CNTNAP2: variants seen among roughly 807,000 people sequenced by gnomAD.
The protein encoded by CNTNAP2 is contactin associated protein 2, also known as contactin-associated protein-like 2.
In CNTNAP2, 98 loss-of-function variants were observed where a neutral mutation model predicts 155.2. The observed-to-expected ratio is 0.63, with a 90% CI of 0.54 to 0.75. CNTNAP2 has a LOEUF of 0.75. CNTNAP2 is among the 30% of genes least tolerant of loss of function. CNTNAP2 has a pLI of 0.00. For synonymous variants in CNTNAP2, 651 were observed against 631.2 expected (o/e 1.03, Z -0.47); for missense variants, 1,727 against 1,688.1 (o/e 1.02, Z -0.40).
At chr7:146,962,622 C>T (rs1797577338) in intron 3 of CNTNAP2, among the ~76,000 whole-genome samples, 1 of 152,218 alleles carries the variant, frequency 6.6e-6, no homozygotes, top group Admixed American at 6.5e-5. Flanking sequence ...ACGATCTTGA[C>T]TCACTGCAAC....
chr7:147,168,363 C>A (rs936263944), intron 8 of CNTNAP2, among the ~76,000 whole-genome samples: 6 of 151,758 alleles, frequency 4.0e-5, no homozygotes, highest in Non-Finnish European at 7.4e-5. Flanking sequence ...CTTGGTATGT[C>A]AGAGATTTTC....
At chr7:147,083,220 G>A (rs929853493) in intron 4 of CNTNAP2, 6 of 152,052 alleles carry the variant, frequency 3.9e-5, no homozygotes, top group African/African-American at 7.2e-5. Flanking sequence ...ATCAAGGCTT[G>A]TCTGAGGTCA....
chr7:146,550,128 G>A (rs929239918), intron 1 of CNTNAP2, among the ~76,000 whole-genome samples: 4 of 152,082 alleles, frequency 2.6e-5, no homozygotes, highest in African/African-American at 4.8e-5. Flanking sequence ...TTAGGGGAAC[G>A]GGACTAGTAG....
intron 1 of CNTNAP2, among the ~76,000 whole-genome samples, chr7:146,333,705 T>C (rs1277696684): frequency 6.6e-6 from 1 of 152,226 alleles, no homozygotes; most frequent in African/African-American, 2.4e-5. Flanking sequence ...TCAAACATGA[T>C]AGAAAATTAT....
At chr7:146,150,817 T>C (rs1311106388) in intron 1 of CNTNAP2, among the ~76,000 whole-genome samples, 2 of 152,114 alleles carry the variant, frequency 1.3e-5, no homozygotes, top group Non-Finnish European at 2.9e-5. Context: ...ATATCACCAC[T>C]AATCTTTATT....
intron 1 of CNTNAP2, among the ~76,000 whole-genome samples, chr7:146,756,720 A>G (rs1317992631): frequency 6.6e-6 from 1 of 152,060 alleles, no homozygotes; most frequent in Non-Finnish European, 1.5e-5. Context: ...ATGCAAAGGT[A>G]GGTCCTCTAA....
At chr7:146,969,630 C>T (rs1248786196) in intron 3 of CNTNAP2, among the ~76,000 whole-genome samples, 1 of 135,648 alleles carries the variant, frequency 7.4e-6, no homozygotes, top group Non-Finnish European at 1.7e-5. Flanking sequence ...ACTAGGATTG[C>T]AACCCCTGCC....
At chr7:146,684,406 G>A (rs1329905365) in intron 1 of CNTNAP2, among the ~76,000 whole-genome samples, 3 of 151,954 alleles carry the variant, frequency 2.0e-5, no homozygotes, top group Non-Finnish European at 4.4e-5. Flanking sequence ...TTATACACAA[G>A]CAAATGGAGG....
intron 13 of CNTNAP2, among the ~76,000 whole-genome samples, chr7:147,863,809 C>T (rs9770748): frequency 0.59 from 88,930 of 150,046 alleles, 26,631 homozygotes; most frequent in South Asian, 0.69. Flanking sequence ...TTCAGTTCTT[C>T]GTAGATTCTG....
intron 8 of CNTNAP2, among the ~76,000 whole-genome samples, chr7:147,137,873 G>GA (rs1801515602): frequency 1.0e-3 from 146 of 140,140 alleles, no homozygotes; most frequent in African/African-American, 3.5e-3. Context: ...AGATAGATAC[G>GA]TAGATAGATA....
intron 3 of CNTNAP2, among the ~76,000 whole-genome samples, chr7:146,995,395 A>T (rs187669715): frequency 6.6e-6 from 1 of 152,176 alleles, no homozygotes; most frequent in African/African-American, 2.4e-5. Context: ...TATTTAATTT[A>T]TTCTGGAACA....
At chr7:146,394,213 A>C (rs1225971872) in intron 1 of CNTNAP2, among the ~76,000 whole-genome samples, 1 of 152,158 alleles carries the variant, frequency 6.6e-6, no homozygotes, top group Non-Finnish European at 1.5e-5. Context: ...TACCTGACTA[A>C]TCCAAAAAAG....
At chr7:147,209,718 G>T (rs940926399) in intron 8 of CNTNAP2, among the ~76,000 whole-genome samples, 1 of 151,892 alleles carries the variant, frequency 6.6e-6, no homozygotes, top group Non-Finnish European at 1.5e-5. Context: ...GTTGGCTGTG[G>T]GTTGTCATAG....
At chr7:147,965,864 T>G (rs1467229476) in intron 14 of CNTNAP2, among the ~76,000 whole-genome samples, 1 of 152,112 alleles carries the variant, frequency 6.6e-6, no homozygotes, top group Non-Finnish European at 1.5e-5. Flanking sequence ...TACTTTTCAT[T>G]GTTGTAGCTG....
intron 13 of CNTNAP2, among the ~76,000 whole-genome samples, chr7:147,716,682 A>G (rs901476068): frequency 1.3e-5 from 2 of 151,912 alleles, no homozygotes; most frequent in Non-Finnish European, 2.9e-5. Flanking sequence ...TTCCTTATCT[A>G]TGTTTGCAGC....
chr7:148,198,250 A>C (rs1421298136), intron 18 of CNTNAP2, among the ~76,000 whole-genome samples: 1 of 152,124 alleles, frequency 6.6e-6, no homozygotes, highest in Non-Finnish European at 1.5e-5. Flanking sequence ...CAGGTTAGGG[A>C]TGGGCAATTC....
chr7:146,853,522 G>C (rs901125185), intron 3 of CNTNAP2, among the ~76,000 whole-genome samples: 1 of 152,030 alleles, frequency 6.6e-6, no homozygotes, highest in Admixed American at 6.6e-5. Flanking sequence ...AGAGATGTTT[G>C]GCATTTTTAC....
chr7:147,560,065 G>A (rs1800030270), intron 11 of CNTNAP2, among the ~76,000 whole-genome samples: 1 of 151,426 alleles, frequency 6.6e-6, no homozygotes, highest in South Asian at 2.1e-4. Flanking sequence ...CTACTTGGGA[G>A]GCTGAGGCAG....
In CNTNAP2 at chr7:147,791,679, C is replaced by G. The variant is rs578118684; in HGVS notation, c.2099-111886C>G. 3.3e-5 allele frequency among the ~76,000 whole-genome samples: 5 copies of G among 152,180 alleles called. No homozygotes were observed. In the South Asian group the frequency reaches 1.0e-3, roughly 32 times the overall value. ...TCAGCATACTCATGCATCCTCTGCC[C>G]CAGACATAAATGTGCCCTCAGCTAG... On this transcript the variant is annotated intron_variant, in intron 13 of 23. Transcript: ENST00000361727.
Sources: gnomAD v4.1 joint callset for allele counts (sites outside exome capture counted in the v4.1 genomes callset) on GRCh38, gnomAD v4.1.1 for gene constraint, MANE v1.5 for transcripts, NCBI Gene and HGNC (gene_info 2026-07-23, HGNC 2026-07-21) for gene names.